The following AFDN variants were observed in gnomAD, a reference collection of about 807,000 sequenced individuals.
The protein encoded by AFDN is afadin.
Under a neutral mutation model 216.6 loss-of-function variants are expected in AFDN, and 68 were observed. That is an observed-to-expected ratio of 0.31 (90% confidence interval 0.26 to 0.38). The LOEUF is 0.38. Ranked by LOEUF, AFDN falls within the 10% of genes least tolerant of loss-of-function variation. The probability of loss-of-function intolerance (pLI) is 1.00; values close to 1 mark genes in which losing one functional copy is unlikely to be tolerated. For missense variants in AFDN, 2,136 were observed against 2,342.0 expected (o/e 0.91, Z 1.82); for synonymous variants, 868 against 853.7 (o/e 1.02, Z -0.29).
At chr6:167,914,809 G>T (rs143076713) in intron 18 of AFDN, 71 bp downstream of exon 18, 1 of 1,070,666 alleles carries the variant, frequency 9.3e-7, no homozygotes, top group Admixed American at 2.0e-5. Context: ...AATGCTTAGC[G>T]TAGGTAAGTG....
At chr6:167,953,050 A>C (rs935922299) in intron 30 of AFDN, among the ~76,000 whole-genome samples, 1 of 152,212 alleles carries the variant, frequency 6.6e-6, no homozygotes, top group Non-Finnish European at 1.5e-5. Context: ...TACTGCTATT[A>C]ATTTGGGCAT....
chr6:167,913,634 G>T, intron 16 of AFDN: 1 of 554,880 alleles, frequency 1.8e-6, no homozygotes, highest in Non-Finnish European at 3.2e-6. Flanking sequence ...GTGTGGATAT[G>T]AAATGACAAA....
intron 10 of AFDN, 46 bp downstream of exon 10, chr6:167,897,018 C>T: frequency 8.9e-7 from 1 of 1,119,910 alleles, no homozygotes; most frequent in Non-Finnish European, 1.4e-6. Context: ...TTCCAGGAGG[C>T]ATAACGTATT....
intron 11 of AFDN, among the ~76,000 whole-genome samples, chr6:167,898,769 G>T (rs1411388915): frequency 1.3e-5 from 2 of 152,096 alleles, no homozygotes; most frequent in South Asian, 4.1e-4. Context: ...GGTGTTCTTT[G>T]TAATTATTCA....
intron 4 of AFDN, among the ~76,000 whole-genome samples, chr6:167,874,830 G>A (rs1228010084): frequency 1.3e-5 from 2 of 151,900 alleles, no homozygotes; most frequent in African/African-American, 4.8e-5. Context: ...GGTCAGGCCG[G>A]TCTCCAACTC....
intron 30 of AFDN, among the ~76,000 whole-genome samples, chr6:167,958,817 AG>A (rs1796768263): frequency 6.6e-6 from 1 of 152,254 alleles, no homozygotes; most frequent in Non-Finnish European, 1.5e-5. Context: ...AGGAATTAGT[AG>A]GAAGCCTAAT....
chr6:167,906,134 G>A (rs183442199), intron 12 of AFDN, among the ~76,000 whole-genome samples: 43 of 152,198 alleles, frequency 2.8e-4, no homozygotes, highest in African/African-American at 1.0e-3. Context: ...CTTATGGAAG[G>A]ATTCATTGGG....
chr6:167,845,848 G>T (rs1241464417), intron 1 of AFDN, among the ~76,000 whole-genome samples: 3 of 152,188 alleles, frequency 2.0e-5, no homozygotes, highest in Admixed American at 6.5e-5. Context: ...AAGGAAAGAA[G>T]TTTAGTTGAA....
Position 167,930,747 on chromosome 6 carries a change from G to A in AFDN, c.3099+5656G>A, listed in dbSNP as rs116658227. On this transcript the variant is annotated intron_variant, in intron 23 of 33. Coordinates refer to ENST00000683244, the MANE Select transcript of AFDN (RefSeq NM_001386888.1). ...GCCACAGGGCAGTTTGTGGCATAGC[G>A]TGGCTGTGTTCCAATAAAACTTCAT... Among the ~76,000 whole-genome samples the A allele has an allele frequency of 1.9e-3, 287 of 152,302 alleles. 3 individuals are homozygous for A. The highest frequency in any genetic ancestry group is 6.4e-3 in the African/African-American group (267 of 41,562).
At chr6:167,917,339 T>A in intron 20 of AFDN, 107 bp downstream of exon 20, 1 of 1,187,856 alleles carries the variant, frequency 8.4e-7, no homozygotes, top group Non-Finnish European at 1.1e-6. Context: ...ACTTATTTAT[T>A]CTCATCTTAC....
chr6:167,879,995 C>T (rs938609960), intron 5 of AFDN, among the ~76,000 whole-genome samples: 1 of 152,044 alleles, frequency 6.6e-6, no homozygotes, highest in East Asian at 1.9e-4. Context: ...GTAAGGAAAT[C>T]GCAAAGCAAT....
intron 33 of AFDN, among the ~76,000 whole-genome samples, 174 bp downstream of exon 33, chr6:167,969,372 T>C (rs1275102277): frequency 6.6e-6 from 1 of 152,182 alleles, no homozygotes; most frequent in Non-Finnish European, 1.5e-5. Context: ...GAATTTGAAC[T>C]CACCAGAAAA....
At chr6:167,963,579 A>C (rs1797247729) in intron 31 of AFDN, 4 of 1,058,322 alleles carry the variant, frequency 3.8e-6, no homozygotes, top group East Asian at 5.2e-5. Flanking sequence ...ACATGATGTG[A>C]CTTCACTTAA....
At position 167,864,800 on chromosome 6, in the gene AFDN, C is replaced by T. The variant is rs1783985546; in HGVS notation, c.301+54C>T. On this transcript the variant is annotated intron_variant, in intron 2 of 33. Transcript: ENST00000683244. ...AGGCATGACCTGACCTGTGAAGAGA[C>T]AGCTTGTCCAGGGTCATTGTGGTCA... 4 of 1,544,162 alleles carry T rather than the reference C, an allele frequency of 2.6e-6. No homozygotes were observed. In the African/African-American group the frequency reaches 4.1e-5, roughly 16 times the overall value.
chr6:167,921,009 G>A (rs955729224), intron 21 of AFDN, among the ~76,000 whole-genome samples: 1 of 152,204 alleles, frequency 6.6e-6, no homozygotes, highest in African/African-American at 2.4e-5. Flanking sequence ...TAGTGAGGGT[G>A]GTCCCTGAGA....
intron 1 of AFDN, among the ~76,000 whole-genome samples, chr6:167,859,448 C>T (rs1188469405): frequency 6.6e-6 from 1 of 152,102 alleles, no homozygotes; most frequent in Non-Finnish European, 1.5e-5. Context: ...TCAGTTTCCT[C>T]CATGGGGAGT....
intron 27 of AFDN, among the ~76,000 whole-genome samples, chr6:167,947,615 T>C (rs1795471812): frequency 6.6e-6 from 1 of 152,220 alleles, no homozygotes. Flanking sequence ...TACCAGTCCC[T>C]GGCCTGATAC....
rs114776478 is a variant in AFDN, at chr6:167,917,381, C to A, written c.2709+149C>A. On this transcript the variant is annotated intron_variant, in intron 20 of 33. Transcript: ENST00000683244. Reference sequence around the variant, plus strand: ...ATTTTCGTGTTGCTGTCCAAGAGTTCAATGAAAAAACAGAAACTATACTCC... The same window carrying A: ...ATTTTCGTGTTGCTGTCCAAGAGTTAAATGAAAAAACAGAAACTATACTCC... The A allele has an allele frequency of 1.4e-3, 1,240 of 887,828 alleles. 13 individuals are homozygous for A. The African/African-American group carries it at 0.019, about 14-fold the overall frequency. The allele number at this position is 887,828 out of a possible 1,614,324, so 55.0% of individuals were successfully genotyped here. A position where few individuals can be genotyped will look rare whatever the true frequency, so the allele number is the denominator to read the frequency against.
chr6:167,961,949 T>C (rs781246888), intron 30 of AFDN, among the ~76,000 whole-genome samples: 4 of 152,184 alleles, frequency 2.6e-5, no homozygotes, highest in Non-Finnish European at 4.4e-5. Flanking sequence ...GAGTCACATA[T>C]GCTGCTTCTG....
Sources: gnomAD v4.1 joint callset for allele counts (sites outside exome capture counted in the v4.1 genomes callset) on GRCh38, gnomAD v4.1.1 for gene constraint, MANE v1.5 for transcripts, NCBI Gene and HGNC (gene_info 2026-07-23, HGNC 2026-07-21) for gene names.